The following MCM3 variants were observed in gnomAD, a reference collection of about 807,000 sequenced individuals.
The protein encoded by MCM3 is DNA replication licensing factor MCM3.
MCM3 carries 59 observed loss-of-function variants against 91.3 expected under a neutral mutation model. The observed-to-expected ratio is 0.65, with a 90% CI of 0.52 to 0.80. The LOEUF is 0.80. MCM3 is among the 30% of genes least tolerant of loss of function. MCM3 has a pLI of 0.00. For synonymous variants in MCM3, 383 were observed against 379.6 expected, an observed-to-expected ratio of 1.01 and a Z score of -0.10; for missense variants, 919 against 1,035.4, an observed-to-expected ratio of 0.89 and a Z score of 1.54.
chr6:52,273,323 G>T lies in MCM3; in HGVS notation c.1583C>A (p.Ala528Asp). Residue 528 changes from alanine to aspartate, a missense_variant, in exon 11 of 17, where the codon GCC (alanine) becomes GAC (aspartate). Ala to Asp is a moderately radical substitution (Grantham distance 126). Around this residue, in one of 3 missense-constraint regions of MCM3, gnomAD observed 233 missense variants for 321.2 expected, o/e 0.73. Transcript: ENST00000596288. ...MPLGSAVDIL[A>D]TDDPNFSQED... is the part of the protein sequence containing the mutation. Reference sequence around the variant, plus strand: ...CTGGCTAAAGTTGGGATCATCTGTGGCCAGGATATCCACAGCACTACCCAA... The same window carrying T: ...CTGGCTAAAGTTGGGATCATCTGTGTCCAGGATATCCACAGCACTACCCAA... 6.2e-7 allele frequency: 1 copy of T among 1,614,162 alleles called. No individual in the cohort carries two copies. Among genetic ancestry groups the T allele is most frequent in the South Asian group, 1.1e-5 (1 of 91,086 alleles).
intron 4 of MCM3, among the ~76,000 whole-genome samples, chr6:52,281,694 T>C (rs920317122): frequency 6.6e-6 from 1 of 151,804 alleles, no homozygotes; most frequent in Non-Finnish European, 1.5e-5. Context: ...AAAATAAGAA[T>C]TGTGAAGCCA....
At chr6:52,274,686 C>T (rs1478573902) in intron 9 of MCM3, among the ~76,000 whole-genome samples, 2 of 134,704 alleles carry the variant, frequency 1.5e-5, no homozygotes, top group Admixed American at 1.4e-4. Context: ...AAGACTATGT[C>T]TCAGAAAAAA....
chr6:52,268,767 C>CT (rs66698003), intron 13 of MCM3, among the ~76,000 whole-genome samples: 3,429 of 149,428 alleles, frequency 0.023, 96 homozygotes, highest in African/African-American at 0.067. Flanking sequence ...AAAACACCTA[C>CT]TTTTTTTTTT....
At chr6:52,272,975 C>G (rs898884197) in intron 11 of MCM3, among the ~76,000 whole-genome samples, 1 of 152,230 alleles carries the variant, frequency 6.6e-6, no homozygotes, top group African/African-American at 2.4e-5. Flanking sequence ...CACCCACCAT[C>G]AGGCGTATCA....
chr6:52,281,452 G>A (rs1766087496), intron 4 of MCM3, among the ~76,000 whole-genome samples: 2 of 152,030 alleles, frequency 1.3e-5, no homozygotes, highest in South Asian at 4.2e-4. Context: ...GAAGCAGGAG[G>A]ATCACTTGAG....
chr6:52,283,007 C>T (rs1016699306), intron 2 of MCM3, 146 bp from the exon 3 acceptor site: 3 of 643,906 alleles, frequency 4.7e-6, no homozygotes, highest in Admixed American at 2.9e-5. Context: ...AAACACCATC[C>T]TATAAGACTC....
At chr6:52,274,509 T>C (rs1354586356) in intron 9 of MCM3, among the ~76,000 whole-genome samples, 1 of 151,712 alleles carries the variant, frequency 6.6e-6, no homozygotes, top group Non-Finnish European at 1.5e-5. Flanking sequence ...CAAAACCCTG[T>C]CCCTATAAAA....
intron 6 of MCM3, 152 bp downstream of exon 6, chr6:52,278,590 A>G: frequency 3.5e-6 from 2 of 566,112 alleles, no homozygotes; most frequent in African/African-American, 1.9e-5. Flanking sequence ...AAACAGCAAA[A>G]ACACCCTTCA....
At chr6:52,270,462 T>A (rs116429576) in intron 12 of MCM3, among the ~76,000 whole-genome samples, 63 of 152,296 alleles carry the variant, frequency 4.1e-4, no homozygotes, top group African/African-American at 1.5e-3. Flanking sequence ...ACCATGTATA[T>A]CCACAATGAC....
chr6:52,280,178 T>C (rs1222196320), intron 4 of MCM3, among the ~76,000 whole-genome samples: 1 of 152,202 alleles, frequency 6.6e-6, no homozygotes, highest in Non-Finnish European at 1.5e-5. Context: ...GACATCAGGA[T>C]AGTGGTTACC....
In MCM3 at chr6:52,266,581, C is replaced by A. The variant is rs1250271867; in HGVS notation, c.2158+30G>T. 6 of 1,592,756 alleles carry A rather than the reference C, an allele frequency of 3.8e-6. 1 individual carries two copies. In the Admixed American group the frequency reaches 5.0e-5, roughly 13 times the overall value. ...AAAAGTCCAAGAGTCACAGGAACAA[C>A]CTCTTTCATCAGTAAGTGGGCTCAC... On this transcript the variant is annotated intron_variant, in intron 15 of 16. Coordinates refer to ENST00000596288, the MANE Select transcript of MCM3 (RefSeq NM_002388.6).
rs1336599763 is a variant in MCM3, at chr6:52,284,700, C to G, written c.-26G>C. The G allele has an allele frequency of 6.3e-7, 1 of 1,597,178 alleles. No homozygotes were observed. Among genetic ancestry groups the G allele is most frequent in the Admixed American group, 1.8e-5 (1 of 57,078 alleles). On this transcript the variant is annotated 5_prime_UTR_variant, in exon 1 of 17. Coordinates refer to ENST00000596288, the MANE Select transcript of MCM3 (RefSeq NM_002388.6). ...GCCCGCTGCCAAAGAACTACCTCCA[C>G]CAAAGTCGCGTGGAGGTTCCCAGGA... is the stretch of plus-strand genomic sequence containing the variant.
intron 4 of MCM3, among the ~76,000 whole-genome samples, chr6:52,279,909 G>C (rs1490507375): frequency 6.6e-6 from 1 of 152,144 alleles, no homozygotes; most frequent in Non-Finnish European, 1.5e-5. Context: ...ATACCCAACA[G>C]AAACATTCAC....
At chr6:52,276,914 A>C (rs1365333325) in intron 8 of MCM3, among the ~76,000 whole-genome samples, 153 bp downstream of exon 8, 1 of 152,220 alleles carries the variant, frequency 6.6e-6, no homozygotes, top group East Asian at 1.9e-4. Flanking sequence ...CAAAGACTTA[A>C]ATAATTCACC....
At chr6:52,276,090 C>A in intron 9 of MCM3, 178 bp downstream of exon 9, 2 of 606,240 alleles carry the variant, frequency 3.3e-6, no homozygotes, top group Non-Finnish European at 5.8e-6. Flanking sequence ...GGGGATTCTG[C>A]TGTGCAGGAA....
chr6:52,264,918 T>C, intron 16 of MCM3, 132 bp from the exon 17 acceptor site: 1 of 731,264 alleles, frequency 1.4e-6, no homozygotes, highest in South Asian at 1.7e-5. Context: ...CACACACACA[T>C]CTGCCTCTGA....
chr6:52,284,201 TC>T (rs939940207), intron 1 of MCM3, among the ~76,000 whole-genome samples: 8 of 152,176 alleles, frequency 5.3e-5, no homozygotes, highest in African/African-American at 1.9e-4. Flanking sequence ...AAAACGTCAG[TC>T]CCTAAAATCT....
chr6:52,269,180 G>T lies in MCM3; in HGVS notation c.1874C>A (p.Ala625Asp). The T allele has an allele frequency of 6.2e-7, 1 of 1,613,800 alleles. No individual in the cohort carries two copies. Among genetic ancestry groups the T allele is most frequent in the Non-Finnish European group, 8.5e-7 (1 of 1,179,726 alleles). The change falls in exon 13 of 17, where the codon GCC becomes GAC. Residue 625 changes from alanine (A) to aspartate (D), a missense_variant. By Grantham distance (126) the Ala-to-Asp change is moderately radical. Coordinates refer to ENST00000596288, the MANE Select transcript of MCM3 (RefSeq NM_002388.6). ...CATGCGGGCCTTCGCATGGGCTGTGGCCAGTCGAATCAGAGTTTCCAGTGT... is the reference window on the plus strand; with the variant it reads ...CATGCGGGCCTTCGCATGGGCTGTGTCCAGTCGAATCAGAGTTTCCAGTGT... ...ARTLETLIRLATAHAKARMSK... is the reference protein window; with the variant it reads ...ARTLETLIRLDTAHAKARMSK...
At position 52,284,690 on chromosome 6, in the gene MCM3, A is replaced by C. The variant is rs915669790; in HGVS notation, c.-16T>G. ...TACCCGCCATGCCCGCTGCCAAAGA[A>C]CTACCTCCACCAAAGTCGCGTGGAG... On this transcript the variant is annotated 5_prime_UTR_variant, in exon 1 of 17. Transcript: ENST00000596288. The C allele has an allele frequency of 4.2e-5, 68 of 1,603,700 alleles. No homozygotes were observed. The highest frequency in any genetic ancestry group is 5.5e-5 in the Non-Finnish European group (65 of 1,176,132).
Sources: allele counts gnomAD v4.1 joint callset (sites outside exome capture counted in the v4.1 genomes callset), GRCh38; gene constraint gnomAD v4.1.1; regional missense constraint gnomAD v4.1.1; transcripts MANE v1.5; gene names NCBI Gene and HGNC (gene_info 2026-07-23, HGNC 2026-07-21).